The following MCTP1 variants were observed in gnomAD, a reference collection of about 807,000 sequenced individuals.
MCTP1 encodes multiple C2 and transmembrane domain-containing protein 1.
Under a neutral mutation model 120.6 loss-of-function variants are expected in MCTP1, and 69 were observed. The ratio of observed to expected loss-of-function variants is 0.57; its 90% CI spans 0.47 to 0.70. The LOEUF is 0.70. Among genes scored for constraint, MCTP1 ranks in the 30% least tolerant of loss-of-function variants. The pLI, the probability that MCTP1 is intolerant of heterozygous loss-of-function variation, is 0.00. For missense variants in MCTP1, 1,203 were observed against 1,248.8 expected, an observed-to-expected ratio of 0.96 and a Z score of 0.55; for synonymous variants, 529 against 493.1, an observed-to-expected ratio of 1.07 and a Z score of -0.96.
At chr5:94,932,340 T>C (rs1467892233) in intron 5 of MCTP1, among the ~76,000 whole-genome samples, 2 of 151,962 alleles carry the variant, frequency 1.3e-5, no homozygotes, top group East Asian at 1.9e-4. Flanking sequence ...TGTACATGAC[T>C]TGAACAGGTA....
At chr5:94,873,374 A>G (rs1332801322) in intron 12 of MCTP1, 133 bp from the exon 13 acceptor site, 4 of 514,998 alleles carry the variant, frequency 7.8e-6, no homozygotes, top group Non-Finnish European at 1.4e-5. Flanking sequence ...TTAAAAATTA[A>G]AAAAAGAAAC....
At chr5:94,886,413 A>AT (rs1200752951) in intron 12 of MCTP1, among the ~76,000 whole-genome samples, 3 of 152,140 alleles carry the variant, frequency 2.0e-5, no homozygotes, top group Non-Finnish European at 2.9e-5. Context: ...ATAATTTAAC[A>AT]TTTTTTGCTG....
chr5:94,983,931 C>G, intron 2 of MCTP1, among the ~76,000 whole-genome samples: 1 of 152,150 alleles, frequency 6.6e-6, no homozygotes, highest in East Asian at 1.9e-4. Context: ...CTGGCAGTCT[C>G]TAACAATCCA....
intron 1 of MCTP1, among the ~76,000 whole-genome samples, chr5:95,044,661 C>G (rs1231668588): frequency 6.6e-6 from 1 of 151,984 alleles, no homozygotes; most frequent in African/African-American, 2.4e-5. Context: ...GTCCTTTAAC[C>G]CAGGCAAAGC....
At chr5:94,870,278 G>A (rs1797587249) in intron 16 of MCTP1, 139 bp downstream of exon 16, 1 of 586,082 alleles carries the variant, frequency 1.7e-6, no homozygotes, top group South Asian at 2.4e-5. Flanking sequence ...ATGAAAGAAA[G>A]CGCCATTTTC....
intron 1 of MCTP1, among the ~76,000 whole-genome samples, chr5:95,091,571 C>T (rs2152342729): frequency 6.6e-6 from 1 of 152,270 alleles, no homozygotes; most frequent in Middle Eastern, 3.4e-3. Flanking sequence ...GCCCTGACTG[C>T]CTGGGGGCTG....
chr5:95,267,680 C>T (rs459730), intron 1 of MCTP1, among the ~76,000 whole-genome samples: 128,779 of 152,226 alleles, frequency 0.85, 54,567 homozygotes, highest in African/African-American at 0.9. Flanking sequence ...ATTCCCAGAC[C>T]AAGGACATGA....
intron 1 of MCTP1, among the ~76,000 whole-genome samples, chr5:95,094,089 G>C (rs1230639370): frequency 6.6e-6 from 1 of 152,206 alleles, no homozygotes; most frequent in Non-Finnish European, 1.5e-5. Context: ...AGCTGCCCTT[G>C]TCAAGCCCTG....
At chr5:95,032,918 C>T (rs895454325) in intron 1 of MCTP1, among the ~76,000 whole-genome samples, 1 of 151,784 alleles carries the variant, frequency 6.6e-6, no homozygotes, top group African/African-American at 2.4e-5. Context: ...ACAACTGAAA[C>T]TACAAAAGAT....
intron 1 of MCTP1, among the ~76,000 whole-genome samples, chr5:95,061,328 T>G (rs1749006185): frequency 6.6e-6 from 1 of 150,952 alleles, no homozygotes; most frequent in African/African-American, 2.4e-5. Flanking sequence ...CAGAGTCATA[T>G]TAGTAAAAAG....
At chr5:94,733,286 G>A (rs1010476025) in intron 19 of MCTP1, among the ~76,000 whole-genome samples, 1 of 152,166 alleles carries the variant, frequency 6.6e-6, no homozygotes, top group Non-Finnish European at 1.5e-5. Context: ...GGGCTAGAAG[G>A]TGGACATCAA....
At chr5:95,089,753 A>G (rs894675215) in intron 1 of MCTP1, among the ~76,000 whole-genome samples, 1 of 152,116 alleles carries the variant, frequency 6.6e-6, no homozygotes, top group Non-Finnish European at 1.5e-5. Context: ...CTTTCCAGAA[A>G]CTGCCATCCT....
In MCTP1 at chr5:95,101,090, T is replaced by C. The variant is rs1562144054; in HGVS notation, c.721-83606A>G. On this transcript the variant is annotated intron_variant, in intron 1 of 22. Coordinates refer to ENST00000515393, the MANE Select transcript of MCTP1 (RefSeq NM_024717.7). ...GAGCAGGCTCTAATTAGAAAGAAAG[T>C]AAAAAAAAAACCAAACAAACTATGA... Among the ~76,000 whole-genome samples the C allele has an allele frequency of 3.4e-5, 5 of 147,558 alleles. No homozygotes were observed. In the South Asian group the frequency reaches 8.6e-4, roughly 25 times the overall value.
At chr5:95,279,126 A>G (rs1760109132) in intron 1 of MCTP1, among the ~76,000 whole-genome samples, 1 of 152,218 alleles carries the variant, frequency 6.6e-6, no homozygotes, top group South Asian at 2.1e-4. Flanking sequence ...TTTATACTCC[A>G]TTAACCAGGA....
chr5:95,093,269 GAC>G (rs1403227340), intron 1 of MCTP1, among the ~76,000 whole-genome samples: 9 of 152,158 alleles, frequency 5.9e-5, no homozygotes, highest in African/African-American at 2.2e-4. Context: ...GCTGAAAAAA[GAC>G]AATTCCTAGC....
chr5:95,008,238 G>C (rs1177121046), intron 2 of MCTP1, among the ~76,000 whole-genome samples: 1 of 151,906 alleles, frequency 6.6e-6, no homozygotes, highest in Non-Finnish European at 1.5e-5. Context: ...GCCATAAAAT[G>C]ACAAAAAAAG....
At chr5:94,737,182 TCTCA>T (rs1764467930) in intron 19 of MCTP1, among the ~76,000 whole-genome samples, 1 of 151,248 alleles carries the variant, frequency 6.6e-6, no homozygotes, top group African/African-American at 2.4e-5. Flanking sequence ...AGAGAAAGAA[TCTCA>T]CTATGTTTTC....
In MCTP1 at chr5:95,061,504, C is replaced by A. The variant is rs796577835; in HGVS notation, c.721-44020G>T. 4.6e-3 allele frequency among the ~76,000 whole-genome samples: 575 copies of A among 126,090 alleles called. 7 individuals are homozygous for A. Among genetic ancestry groups the A allele is most frequent in the African/African-American group, 0.016 (542 of 33,550 alleles). The allele number at this position is 126,090 out of a possible 152,430, so 82.7% of individuals were successfully genotyped here. A position where few individuals can be genotyped will look rare whatever the true frequency, so the allele number is the denominator to read the frequency against. On this transcript the variant is annotated intron_variant, in intron 1 of 22. Coordinates refer to ENST00000515393, the MANE Select transcript of MCTP1 (RefSeq NM_024717.7). ...AGGCTGGAGTGCAGTGGCGGGATCT[C>A]GGCTCACTGCAAGCTCCGCCTCCCG...
chr5:95,065,613 A>G (rs566586315), intron 1 of MCTP1, among the ~76,000 whole-genome samples: 1 of 152,322 alleles, frequency 6.6e-6, no homozygotes, highest in East Asian at 1.9e-4. Context: ...AACTCTCTTA[A>G]TCCGATAAAA....
Sources: gnomAD v4.1 joint callset for allele counts (sites outside exome capture counted in the v4.1 genomes callset) on GRCh38, gnomAD v4.1.1 for gene constraint, MANE v1.5 for transcripts, NCBI Gene and HGNC (gene_info 2026-07-23, HGNC 2026-07-21) for gene names.